The following PRRG4 variants were observed in gnomAD, a reference collection of about 807,000 sequenced individuals.
PRRG4 encodes the protein transmembrane gamma-carboxyglutamic acid protein 4.
PRRG4 carries 12 observed loss-of-function variants against 20.0 expected under a neutral mutation model. The ratio of observed to expected loss-of-function variants is 0.60; its 90% confidence interval spans 0.38 to 0.97. PRRG4 has a LOEUF of 0.97. Ranked by LOEUF, PRRG4 falls within the 50% of genes least tolerant of loss-of-function variation. PRRG4 has a pLI of 0.00. For missense variants in PRRG4, 199 were observed against 265.1 expected (o/e 0.75, Z 1.73); for synonymous variants, 94 against 96.4 (o/e 0.98, Z 0.15).
Position 32,830,145 on chromosome 11 carries a change from G to C in PRRG4, c.-51G>C, listed in dbSNP as rs1302222823. ...CCCAAGAAGAGCCTCTGGCCCGGGGGCTGCTGGAACATGTGCGGGGGGACA... is the reference window on the plus strand; with the variant it reads ...CCCAAGAAGAGCCTCTGGCCCGGGGCCTGCTGGAACATGTGCGGGGGGACA... On this transcript the variant is annotated 5_prime_UTR_variant, in exon 1 of 6. Transcript: ENST00000257836. The C allele has an allele frequency of 8.9e-6, 9 of 1,008,726 alleles. No homozygotes were observed. Among genetic ancestry groups the C allele is most frequent in the Non-Finnish European group, 1.1e-5 (9 of 845,952 alleles). The allele number at this position is 1,008,726 out of a possible 1,614,324, so 62.5% of individuals were successfully genotyped here. A position where few individuals can be genotyped will look rare whatever the true frequency, so the allele number is the denominator to read the frequency against.
In PRRG4 at chr11:32,838,905, A is replaced by C; in HGVS notation, c.291A>C (p.Ser97=). ...AGATTGCATTTTGGCAGGAATATTCAGCTAAAGGACCAACCACAAAATCAG... is the reference window on the plus strand; with the variant it reads ...AGATTGCATTTTGGCAGGAATATTCCGCTAAAGGACCAACCACAAAATCAG... ...DKTIAFWQEY[S]AKGPTTKSDG... is the part of the protein sequence containing the mutation. Residue 97 remains serine, a synonymous_variant, in exon 4 of 6, where the codon TCA becomes TCC. Transcript: ENST00000257836. 6.2e-7 allele frequency: 1 copy of C among 1,610,582 alleles called. No homozygotes were observed. The highest frequency in any genetic ancestry group is 8.5e-7 in the Non-Finnish European group (1 of 1,176,878).
Position 32,853,446 on chromosome 11 carries a change from T to C in PRRG4, c.600T>C (p.Ser200=), listed in dbSNP as rs757807250. 1.2e-6 allele frequency: 2 copies of C among 1,614,042 alleles called. No individual in the cohort carries two copies. Among genetic ancestry groups the C allele is most frequent in the African/African-American group, 1.3e-5 (1 of 74,910 alleles). Residue 200 remains serine, a synonymous_variant, in exon 6 of 6, where the codon AGT becomes AGC. Transcript: ENST00000257836. ...CAGTGGCGCTGACCAGAAAACACAG[T>C]GTTTCACCACCACCACCATATCCTG... ...EQAVALTRKH[S]VSPPPPYPGH...
chr11:32,846,760 G>A (rs34505276), intron 5 of PRRG4, among the ~76,000 whole-genome samples: 15,640 of 152,146 alleles, frequency 0.1, 848 homozygotes, highest in Non-Finnish European at 0.13. Flanking sequence ...AGCACTTTAG[G>A]AGGCCGAGGC....
rs1471629052 is a variant in PRRG4 at position 32,837,526 on chromosome 11, GATGATGATGATGATGATTATT to G, written c.267+708_267+728del. ...TAACTGAGATGATGATGATGATGAT[GATGATGATGATGATGATTATT>G]ATTATTATTATTATTATTATTATTA... On this transcript the variant is annotated intron_variant, in intron 3 of 5. Coordinates refer to ENST00000257836, the MANE Select transcript of PRRG4 (RefSeq NM_024081.6). Among the ~76,000 whole-genome samples, 396 of 111,510 alleles carry G rather than the reference GATGATGATGATGATGATTATT, an allele frequency of 3.6e-3. 2 individuals carry two copies. The highest frequency in any genetic ancestry group is 0.014 in the African/African-American group (381 of 27,990). 73.2% of individuals were successfully genotyped at this position (111,510 alleles called of 152,430 possible). A position where few individuals can be genotyped will look rare whatever the true frequency, so the allele number is the denominator to read the frequency against.
At position 32,847,296 on chromosome 11, in the gene PRRG4, CG is replaced by C. The variant is rs1851140364; in HGVS notation, c.450-5999del. Among the ~76,000 whole-genome samples the C allele has an allele frequency of 2.0e-5, 3 of 151,460 alleles. 1 individual carries two copies. Among genetic ancestry groups the C allele is most frequent in the African/African-American group, 7.3e-5 (3 of 40,984 alleles). ...AAACAACAAAGAGACTAATAACCCA[CG>C]TTTTTTTTAGTGAAGGACTTGAATG... is the stretch of plus-strand genomic sequence containing the variant. On this transcript the variant is annotated intron_variant, in intron 5 of 5. Transcript: ENST00000257836.
In PRRG4 at chr11:32,848,620, A is replaced by G. The variant is rs1350849225; in HGVS notation, c.450-4676A>G. ...ATAATATGTGTATATGTATACATAT[A>G]TATATATATGTACATACCAGCCACA... On this transcript the variant is annotated intron_variant, in intron 5 of 5. Transcript: ENST00000257836. Among the ~76,000 whole-genome samples, 4 of 151,440 alleles carry G rather than the reference A, an allele frequency of 2.6e-5. No homozygotes were observed. The East Asian group carries it at 7.7e-4, about 29-fold the overall frequency.
intron 5 of PRRG4, among the ~76,000 whole-genome samples, chr11:32,850,351 G>T (rs1314864220): frequency 6.6e-6 from 1 of 152,130 alleles, no homozygotes; most frequent in East Asian, 1.9e-4. Context: ...CAGAATTCGA[G>T]TGCAGGAAGT....
At chr11:32,836,292 G>C (rs1448474404) in intron 2 of PRRG4, among the ~76,000 whole-genome samples, 2 of 152,080 alleles carry the variant, frequency 1.3e-5, no homozygotes, top group African/African-American at 4.8e-5. Flanking sequence ...TGTTGTCCAT[G>C]ATGCCCCACT....
At chr11:32,851,089 A>G (rs1402017449) in intron 5 of PRRG4, among the ~76,000 whole-genome samples, 1 of 152,048 alleles carries the variant, frequency 6.6e-6, no homozygotes, top group Non-Finnish European at 1.5e-5. Flanking sequence ...TAATAATAAT[A>G]ATAATAAGCC....
rs1001013723 is a variant in PRRG4 at position 32,853,802 on chromosome 11, T to C, written c.*275T>C. On this transcript the variant is annotated 3_prime_UTR_variant, in exon 6 of 6. Transcript: ENST00000257836. Reference sequence around the variant, plus strand: ...GAGATCACGCCACTGCATTCCAGCCTGGGCGACAGAGCAAGACTCCATCTC... The same window carrying C: ...GAGATCACGCCACTGCATTCCAGCCCGGGCGACAGAGCAAGACTCCATCTC... 1.0e-5 allele frequency: 3 copies of C among 296,880 alleles called. No homozygotes were observed. Among genetic ancestry groups the C allele is most frequent in the African/African-American group, 6.4e-5 (3 of 46,540 alleles). The allele number at this position is 296,880 out of a possible 1,614,324, so 18.4% of individuals were successfully genotyped here.
At chr11:32,846,890 C>T (rs988849946) in intron 5 of PRRG4, among the ~76,000 whole-genome samples, 4 of 151,822 alleles carry the variant, frequency 2.6e-5, no homozygotes, top group Admixed American at 6.6e-5. Flanking sequence ...CCCAGCTACT[C>T]GGGAGGCTGA....
chr11:32,843,387 T>C (rs1460899102), intron 5 of PRRG4, among the ~76,000 whole-genome samples: 5 of 152,050 alleles, frequency 3.3e-5, no homozygotes, highest in African/African-American at 1.2e-4. Context: ...ATAACCACTA[T>C]TATGAATTTG....
chr11:32,858,056 T>A lies in PRRG4; in HGVS notation c.*4529T>A, dbSNP rs1590683952. The A allele has an allele frequency of 6.6e-6, 1 of 152,282 alleles. No individual in the cohort carries two copies. Among genetic ancestry groups the A allele is most frequent in the Non-Finnish European group, 1.5e-5 (1 of 67,998 alleles). 9.4% of individuals were successfully genotyped at this position (152,282 alleles called of 1,614,324 possible). ...TTTTTCCTAAAACTTTACTATGTTTTTATTTTAAGAGGTTTCCTGTTATAT... is the reference window on the plus strand; with the variant it reads ...TTTTTCCTAAAACTTTACTATGTTTATATTTTAAGAGGTTTCCTGTTATAT... On this transcript the variant is annotated 3_prime_UTR_variant, in exon 6 of 6. Transcript: ENST00000257836.
At position 32,853,413 on chromosome 11, in the gene PRRG4, T is replaced by G. The variant is rs774112645; in HGVS notation, c.567T>G (p.Tyr189Ter). 6.2e-7 allele frequency: 1 copy of G among 1,614,134 alleles called. No homozygotes were observed. The highest frequency in any genetic ancestry group is 8.5e-7 in the Non-Finnish European group (1 of 1,180,020). ...TGGAGGATGCAGGATTACCTTCTTA[T>G]GAACAGGCAGTGGCGCTGACCAGAA... ...PSVEDAGLPS[Y>*]EQAVALTRKH... The change falls in exon 6 of 6, where the codon TAT becomes TAG. Residue 189 changes from tyrosine (Y) to a stop codon, truncating the protein, a stop_gained. Coordinates refer to ENST00000257836, the MANE Select transcript of PRRG4 (RefSeq NM_024081.6). LOFTEE classifies it high-confidence loss of function.
intron 2 of PRRG4, 120 bp from the exon 3 acceptor site, chr11:32,836,538 C>T (rs985948137): frequency 4.2e-6 from 2 of 470,756 alleles, no homozygotes; most frequent in Admixed American, 7.8e-5. Flanking sequence ...TAAAACTTTA[C>T]AAAAAAGTTT....
intron 3 of PRRG4, among the ~76,000 whole-genome samples, chr11:32,837,507 A>AGAT (rs145836180): frequency 0.017 from 2,303 of 134,632 alleles, 49 homozygotes; most frequent in East Asian, 0.062. Context: ...TAACTAACTG[A>AGAT]GATGATGATG....
chr11:32,832,772 C>T (rs941467721), intron 2 of PRRG4, among the ~76,000 whole-genome samples: 2 of 152,108 alleles, frequency 1.3e-5, no homozygotes, highest in Admixed American at 6.5e-5. Context: ...CGTGAGCTAC[C>T]GCGCCTGGCC....
intron 5 of PRRG4, among the ~76,000 whole-genome samples, chr11:32,843,065 A>G (rs1309848979): frequency 6.6e-6 from 1 of 151,750 alleles, no homozygotes; most frequent in African/African-American, 2.4e-5. Flanking sequence ...CTAGTCTCCA[A>G]CTCCTGGCTT....
chr11:32,839,000 T>C (rs1468002604), intron 4 of PRRG4, 70 bp downstream of exon 4: 3 of 1,183,046 alleles, frequency 2.5e-6, no homozygotes, highest in Non-Finnish European at 3.8e-6. Flanking sequence ...TTTAGTTTTA[T>C]TGTTTGAGTT....
Sources: allele counts gnomAD v4.1 joint callset (sites outside exome capture counted in the v4.1 genomes callset), GRCh38; gene constraint gnomAD v4.1.1; transcripts MANE v1.5; gene names NCBI Gene and HGNC (gene_info 2026-07-23, HGNC 2026-07-21).